ADAM12: variants seen among roughly 807,000 people sequenced by gnomAD.
ADAM12 encodes the protein disintegrin and metalloproteinase domain-containing protein 12.
Under a neutral mutation model 106.4 loss-of-function variants are expected in ADAM12, and 70 were observed. The observed-to-expected ratio is 0.66, with a 90% confidence interval of 0.54 to 0.80. ADAM12 has a LOEUF of 0.80. Among genes scored for constraint, ADAM12 ranks in the 30% least tolerant of loss-of-function variants. The probability of loss-of-function intolerance (pLI) is 0.00; values close to 1 mark genes in which losing one functional copy is unlikely to be tolerated. For missense variants in ADAM12, 1,010 were observed against 1,171.9 expected (o/e 0.86, Z 2.02); for synonymous variants, 420 against 433.5 (o/e 0.97, Z 0.39).
Position 126,109,958 on chromosome 10 carries a change from C to T in ADAM12, c.604-118G>A, listed in dbSNP as rs2306155. ...ATGTATATCCCCCATCCCCGCCAGG[C>T]CCCCACACCTCCATTCCATCTAGAA... On this transcript the variant is annotated intron_variant, in intron 6 of 22. Transcript: ENST00000448723. 5.5e-4 allele frequency: 474 copies of T among 854,220 alleles called. 3 individuals carry two copies. The East Asian group carries it at 0.01, about 18-fold the overall frequency. The allele number at this position is 854,220 out of a possible 1,614,324, so 52.9% of individuals were successfully genotyped here. A position where few individuals can be genotyped will look rare whatever the true frequency, so the allele number is the denominator to read the frequency against.
chr10:126,377,836 A>C (rs1336510345), intron 1 of ADAM12, among the ~76,000 whole-genome samples: 2 of 152,224 alleles, frequency 1.3e-5, no homozygotes, highest in East Asian at 3.8e-4. Context: ...TTGGTTTTCC[A>C]GATGGGGGGA....
At chr10:126,268,537 C>T (rs144330999) in intron 3 of ADAM12, among the ~76,000 whole-genome samples, 27 of 152,242 alleles carry the variant, frequency 1.8e-4, no homozygotes, top group Non-Finnish European at 3.5e-4. Flanking sequence ...TGTCAGCATG[C>T]AACAAATGAG....
intron 3 of ADAM12, among the ~76,000 whole-genome samples, chr10:126,228,950 G>C (rs547044443): frequency 6.6e-6 from 1 of 152,320 alleles, no homozygotes; most frequent in East Asian, 1.9e-4. Flanking sequence ...TGTGTACAGA[G>C]GGTTGTCAGA....
At chr10:126,223,965 C>G (rs1018510317) in intron 3 of ADAM12, among the ~76,000 whole-genome samples, 2 of 152,202 alleles carry the variant, frequency 1.3e-5, no homozygotes, top group African/African-American at 4.8e-5. Context: ...TGCTGGATGA[C>G]TGACCAGGAT....
At chr10:126,164,893 G>A (rs1277432578) in intron 3 of ADAM12, among the ~76,000 whole-genome samples, 1 of 152,156 alleles carries the variant, frequency 6.6e-6, no homozygotes, top group African/African-American at 2.4e-5. Flanking sequence ...AAAATAAGAG[G>A]AGAAAAATGA....
intron 3 of ADAM12, among the ~76,000 whole-genome samples, chr10:126,212,111 G>A (rs1957914539): frequency 6.6e-6 from 1 of 152,222 alleles, no homozygotes; most frequent in Non-Finnish European, 1.5e-5. Flanking sequence ...CAGCCTGGCT[G>A]TACATTGCCA....
At chr10:126,135,243 C>A (rs538397633) in intron 5 of ADAM12, 154 of 265,118 alleles carry the variant, frequency 5.8e-4, no homozygotes, top group Non-Finnish European at 9.1e-4. Flanking sequence ...AATGTTCTAT[C>A]TTTTAGCACT....
At chr10:126,117,875 GTCCCACTGTATAATGTCT>G (rs2308304) in intron 6 of ADAM12, among the ~76,000 whole-genome samples, 145 bp downstream of exon 6, 87,469 of 151,694 alleles carry the variant, frequency 0.58, 25,296 homozygotes, top group Non-Finnish European at 0.59. Flanking sequence ...TTATGGTTGT[GTCCCACTGTATAATGTCT>G]ACCACCTCCA....
At chr10:126,171,976 G>A (rs1377691988) in intron 3 of ADAM12, among the ~76,000 whole-genome samples, 2 of 152,084 alleles carry the variant, frequency 1.3e-5, no homozygotes, top group Non-Finnish European at 2.9e-5. Context: ...CATGTGTCTG[G>A]GGAAAAAAAT....
intron 1 of ADAM12, among the ~76,000 whole-genome samples, chr10:126,333,413 G>A (rs1023402070): frequency 4.6e-5 from 7 of 152,208 alleles, no homozygotes; most frequent in Non-Finnish European, 2.9e-5. Flanking sequence ...GGCCTCAGAT[G>A]CCTGGAGGAA....
At chr10:126,054,319 T>A (rs928631829) in intron 14 of ADAM12, among the ~76,000 whole-genome samples, 1 of 152,238 alleles carries the variant, frequency 6.6e-6, no homozygotes, top group Non-Finnish European at 1.5e-5. Flanking sequence ...ATGTGATAGA[T>A]GCACCTGCCT....
At chr10:126,166,912 T>G (rs1037674101) in intron 3 of ADAM12, among the ~76,000 whole-genome samples, 3 of 152,198 alleles carry the variant, frequency 2.0e-5, no homozygotes, top group Non-Finnish European at 4.4e-5. Flanking sequence ...GATAAACGAT[T>G]ACTTCCACTG....
intron 3 of ADAM12, among the ~76,000 whole-genome samples, chr10:126,222,916 T>A (rs1257758622): frequency 6.6e-6 from 1 of 152,176 alleles, no homozygotes; most frequent in Non-Finnish European, 1.5e-5. Context: ...CTTGGGAAAT[T>A]AGACTTGCAA....
chr10:126,272,010 G>T (rs970098742), intron 3 of ADAM12, among the ~76,000 whole-genome samples: 1 of 152,090 alleles, frequency 6.6e-6, no homozygotes, highest in Admixed American at 6.5e-5. Flanking sequence ...CCTTGACTGG[G>T]CTCTTCCCTC....
chr10:126,035,734 A>G (rs1954047510), intron 21 of ADAM12, among the ~76,000 whole-genome samples: 1 of 152,214 alleles, frequency 6.6e-6, no homozygotes, highest in African/African-American at 2.4e-5. Flanking sequence ...TAGGTGGTAT[A>G]GTTCTTGTAA....
At chr10:126,132,650 C>G (rs1222488632) in intron 5 of ADAM12, among the ~76,000 whole-genome samples, 2 of 152,036 alleles carry the variant, frequency 1.3e-5, no homozygotes, top group Non-Finnish European at 2.9e-5. Context: ...TGTTTCTCCC[C>G]TGGCACCCAT....
intron 3 of ADAM12, among the ~76,000 whole-genome samples, chr10:126,181,828 T>A (rs1957317435): frequency 6.6e-6 from 1 of 152,180 alleles, no homozygotes; most frequent in Non-Finnish European, 1.5e-5. Context: ...TTGGCAGCAG[T>A]CCTTCTGGAC....
chr10:126,193,371 A>G (rs1332193906), intron 3 of ADAM12, among the ~76,000 whole-genome samples: 1 of 151,868 alleles, frequency 6.6e-6, no homozygotes, highest in East Asian at 1.9e-4. Flanking sequence ...TATGACAGTT[A>G]AGGTTTTGCT....
intron 10 of ADAM12, among the ~76,000 whole-genome samples, chr10:126,096,916 T>C (rs941361382): frequency 5.3e-5 from 8 of 152,238 alleles, no homozygotes; most frequent in African/African-American, 1.9e-4. Flanking sequence ...CATTTTCATA[T>C]ACCTTTTTTA....
Sources: allele counts gnomAD v4.1 joint callset (sites outside exome capture counted in the v4.1 genomes callset), GRCh38; gene constraint gnomAD v4.1.1; transcripts MANE v1.5; gene names NCBI Gene and HGNC (gene_info 2026-07-23, HGNC 2026-07-21).